The following GFI1B variants were observed in gnomAD, a reference collection of about 807,000 sequenced individuals.
GFI1B encodes the protein zinc finger protein Gfi-1b.
GFI1B carries 20 observed loss-of-function variants against 35.3 expected under a neutral mutation model. The observed-to-expected ratio is 0.57, with a 90% CI of 0.40 to 0.82. GFI1B has a LOEUF of 0.82. Among genes scored for constraint, GFI1B ranks in the 40% least tolerant of loss-of-function variants. The pLI is 0.00. For synonymous variants in GFI1B, 178 were observed against 177.6 expected (o/e 1.00, Z -0.02); for missense variants, 430 against 446.3 (o/e 0.96, Z 0.33).
At chr9:132,990,840 G>A (rs754937433) in intron 6 of GFI1B, 32 bp from the exon 7 acceptor site, 66 of 1,611,142 alleles carry the variant, frequency 4.1e-5, no homozygotes, top group African/African-American at 8.0e-5. Context: ...CCCTGACCCC[G>A]CCCTTGCTGT....
Position 132,991,160 on chromosome 9 carries a change from G to T in GFI1B, c.*110G>T. The T allele has an allele frequency of 2.0e-6, 2 of 978,840 alleles. No homozygotes were observed. Among genetic ancestry groups the T allele is most frequent in the Admixed American group, 2.0e-5 (1 of 50,926 alleles). The allele number at this position is 978,840 out of a possible 1,614,324, so 60.6% of individuals were successfully genotyped here. On this transcript the variant is annotated 3_prime_UTR_variant, in exon 7 of 7. Coordinates refer to ENST00000372122, the MANE Select transcript of GFI1B (RefSeq NM_001377304.1). ...CTCCTGGAGGTGGGACTGGACAGGA[G>T]TCTACCAGCTTGTTTTGAGACTCAT... is the stretch of plus-strand genomic sequence containing the variant.
chr9:132,976,050 G>A (rs566872464), upstream of GFI1B, among the ~76,000 whole-genome samples: 2 of 152,310 alleles, frequency 1.3e-5, no homozygotes, highest in African/African-American at 4.8e-5. Flanking sequence ...TGGGAAGGCT[G>A]TCCCTGTGTC....
At chr9:132,960,954 G>A (rs962247073) in intron 1 of GFI1B, among the ~76,000 whole-genome samples, 8 of 152,036 alleles carry the variant, frequency 5.3e-5, no homozygotes, top group South Asian at 2.1e-4. Flanking sequence ...CATGGTCACC[G>A]TGAGACCATT....
intron 1 of GFI1B, among the ~76,000 whole-genome samples, chr9:132,965,742 T>C (rs1185154127): frequency 6.6e-6 from 1 of 152,166 alleles, no homozygotes; most frequent in Non-Finnish European, 1.5e-5. Flanking sequence ...AGGTCATCCC[T>C]CGGAGACTCC....
chr9:132,964,433 A>C (rs1848417397), intron 1 of GFI1B, among the ~76,000 whole-genome samples: 1 of 152,174 alleles, frequency 6.6e-6, no homozygotes, highest in African/African-American at 2.4e-5. Context: ...ATTCAAACTG[A>C]GAATATCAAT....
chr9:132,967,345 T>C (rs117596571), intron 1 of GFI1B, among the ~76,000 whole-genome samples: 1,924 of 152,290 alleles, frequency 0.013, 23 homozygotes, highest in Non-Finnish European at 0.021. Context: ...AGAGGTTAAA[T>C]GGCACCATGA....
upstream of GFI1B, among the ~76,000 whole-genome samples, chr9:132,977,055 T>G (rs1848651333): frequency 6.6e-6 from 1 of 152,180 alleles, no homozygotes; most frequent in Non-Finnish European, 1.5e-5. Flanking sequence ...CCTTCTGGGT[T>G]CAAGCAATTA....
chr9:132,950,806 T>C (rs1300720702), intron 1 of GFI1B, among the ~76,000 whole-genome samples: 2 of 142,996 alleles, frequency 1.4e-5, no homozygotes, highest in Non-Finnish European at 3.1e-5. Context: ...AAGCTTTCTC[T>C]GTTTGTATGG....
downstream of GFI1B, among the ~76,000 whole-genome samples, chr9:132,993,171 G>A (rs1849332650): frequency 6.6e-6 from 1 of 152,154 alleles, no homozygotes; most frequent in Admixed American, 6.5e-5. Flanking sequence ...GCGCGTGCCT[G>A]TAAACCCAGC....
intron 1 of GFI1B, among the ~76,000 whole-genome samples, chr9:132,980,279 G>A (rs567868595): frequency 2.0e-5 from 3 of 152,308 alleles, no homozygotes; most frequent in Admixed American, 2.0e-4. Flanking sequence ...TCTGGGACCA[G>A]ATGGCTCCAG....
At chr9:132,969,495 C>T (rs184136405) in intron 1 of GFI1B, among the ~76,000 whole-genome samples, 6 of 152,306 alleles carry the variant, frequency 3.9e-5, no homozygotes, top group South Asian at 2.1e-4. Flanking sequence ...AATAATACTC[C>T]GTCGTATGGA....
chr9:132,956,183 G>T (rs1359170265), intron 1 of GFI1B, among the ~76,000 whole-genome samples: 1 of 152,186 alleles, frequency 6.6e-6, no homozygotes, highest in Admixed American at 6.5e-5. Context: ...AGGAAAGCAA[G>T]TTTCTTGGCC....
intron 1 of GFI1B, among the ~76,000 whole-genome samples, chr9:132,982,860 G>T (rs1588431623): frequency 6.6e-6 from 1 of 152,276 alleles, no homozygotes; most frequent in East Asian, 1.9e-4. Flanking sequence ...GAAAGCGGGT[G>T]TGGGGCTCAG....
chr9:132,962,136 T>C (rs1462023543), intron 1 of GFI1B, among the ~76,000 whole-genome samples: 33 of 110,826 alleles, frequency 3.0e-4, no homozygotes, highest in African/African-American at 1.0e-3. Flanking sequence ...GTTTTTTTTT[T>C]CTTTTTTTTT....
rs376258276 is a variant in GFI1B, at chr9:132,988,478, G to T, written c.510+10G>T. ...TGTGAAGTGCAACAAGGTGGGCAGCGGGGGGTGTGGTGGGCACCTGGGCCC... is the reference window on the plus strand; with the variant it reads ...TGTGAAGTGCAACAAGGTGGGCAGCTGGGGGTGTGGTGGGCACCTGGGCCC... On this transcript the variant is annotated intron_variant, in intron 4 of 6. Coordinates refer to ENST00000372122, the MANE Select transcript of GFI1B (RefSeq NM_001377304.1). The T allele has an allele frequency of 3.7e-6, 6 of 1,611,044 alleles. No homozygotes were observed. The highest frequency in any genetic ancestry group is 5.1e-6 in the Non-Finnish European group (6 of 1,179,004).
chr9:132,990,448 C>T (rs1849256033), intron 6 of GFI1B, among the ~76,000 whole-genome samples: 1 of 149,998 alleles, frequency 6.7e-6, no homozygotes, highest in African/African-American at 2.5e-5. Flanking sequence ...TTTGTTCACT[C>T]ATTCACTCAT....
chr9:132,979,297 C>A lies in GFI1B; in HGVS notation c.-21+456C>A, dbSNP rs564396862. On this transcript the variant is annotated intron_variant, in intron 1 of 6. Coordinates refer to ENST00000372122, the MANE Select transcript of GFI1B (RefSeq NM_001377304.1). ...TTTGAGACAGAGTGAGACTCTGGAGCGCAGTGGTGCGATTGCACTGAAACC... is the reference window on the plus strand; with the variant it reads ...TTTGAGACAGAGTGAGACTCTGGAGAGCAGTGGTGCGATTGCACTGAAACC... Among the ~76,000 whole-genome samples, 5 of 132,238 alleles carry A rather than the reference C, an allele frequency of 3.8e-5. No individual in the cohort carries two copies. The Admixed American group carries it at 4.3e-4, about 11-fold the overall frequency. 86.8% of individuals were successfully genotyped at this position (132,238 alleles called of 152,430 possible). A position where few individuals can be genotyped will look rare whatever the true frequency, so the allele number is the denominator to read the frequency against.
intron 2 of GFI1B, 23 bp downstream of exon 2, chr9:132,986,801 G>T: frequency 1.3e-6 from 2 of 1,488,598 alleles, no homozygotes; most frequent in Non-Finnish European, 1.9e-6. Context: ...CCGGGCTGGC[G>T]CCTGCTGCAC....
intron 1 of GFI1B, among the ~76,000 whole-genome samples, chr9:132,950,910 T>C (rs1041633585): frequency 3.9e-5 from 6 of 152,088 alleles, no homozygotes; most frequent in Non-Finnish European, 7.4e-5. Context: ...CAAACATGGC[T>C]CACTGCAGCC....
Sources: gnomAD v4.1 joint callset for allele counts (sites outside exome capture counted in the v4.1 genomes callset) on GRCh38, gnomAD v4.1.1 for gene constraint, MANE v1.5 for transcripts, NCBI Gene and HGNC (gene_info 2026-07-23, HGNC 2026-07-21) for gene names.